SERPINF2: variants seen among roughly 807,000 people sequenced by gnomAD.
The protein encoded by SERPINF2 is alpha-2-antiplasmin.
In SERPINF2, 15 loss-of-function variants were observed where a neutral mutation model predicts 45.0. That is an observed-to-expected ratio of 0.33 (90% CI 0.22 to 0.51). The LOEUF (loss-of-function observed/expected upper bound fraction) is 0.51. SERPINF2 is among the 20% of genes least tolerant of loss of function. The probability of loss-of-function intolerance (pLI) is 0.97; values close to 1 mark genes in which losing one functional copy is unlikely to be tolerated. For missense variants in SERPINF2, 518 were observed against 637.4 expected, an observed-to-expected ratio of 0.81 and a Z score of 2.02; for synonymous variants, 283 against 277.9, an observed-to-expected ratio of 1.02 and a Z score of -0.18.
At chr17:1,750,027 G>A (rs1451068461) in intron 8 of SERPINF2, among the ~76,000 whole-genome samples, 2 of 151,476 alleles carry the variant, frequency 1.3e-5, no homozygotes, top group African/African-American at 2.4e-5. Flanking sequence ...AGGCTGGAGT[G>A]CAGTGGCACG....
chr17:1,745,241 G>C lies in SERPINF2; in HGVS notation c.102+28G>C. On this transcript the variant is annotated intron_variant, in intron 3 of 9. Coordinates refer to ENST00000453066, the MANE Select transcript of SERPINF2 (RefSeq NM_000934.4). The surrounding 1 kb of genome is among the most constrained non-coding windows in gnomAD (Gnocchi z 6.2). ...ACTGGGGAGTGAGGAGCCTGTGATG[G>C]GGGGAAGGTCCCGGGGGTCTCACTG... is the stretch of plus-strand genomic sequence containing the variant. 2 of 1,583,684 alleles carry C rather than the reference G, an allele frequency of 1.3e-6. No homozygotes were observed. The highest frequency in any genetic ancestry group is 1.7e-6 in the Non-Finnish European group (2 of 1,165,532).
chr17:1,745,972 A>C lies in SERPINF2; in HGVS notation c.367+63A>C, dbSNP rs1597323586. Reference sequence around the variant, plus strand: ...GAGGCCAGTAGGAACTCAGTACTCCAATGGTTCTCCGCGGGCGGTTCCTCC... The same window carrying C: ...GAGGCCAGTAGGAACTCAGTACTCCCATGGTTCTCCGCGGGCGGTTCCTCC... On this transcript the variant is annotated intron_variant, in intron 5 of 9. Coordinates refer to ENST00000453066, the MANE Select transcript of SERPINF2 (RefSeq NM_000934.4). This position sits in a 1 kb window ranked among gnomAD's most constrained non-coding sequence, Gnocchi z 6.2. 2 of 1,566,338 alleles carry C rather than the reference A, an allele frequency of 1.3e-6. No homozygotes were observed.
Position 1,754,454 on chromosome 17 carries a change from G to A in SERPINF2, c.1396G>A (p.Gly466Arg), listed in dbSNP as rs144890920. 281 of 1,608,614 alleles carry A rather than the reference G, an allele frequency of 1.7e-4. No individual in the cohort carries two copies. Among genetic ancestry groups the A allele is most frequent in the South Asian group, 1.4e-3 (125 of 90,692 alleles). Residue 466 changes from glycine (G) to arginine (R), a missense_variant, in exon 10 of 10, where the codon GGA becomes AGA. This residue lies in a region of SERPINF2 where 83 missense variants were observed against 60.0 expected (regional missense o/e 1.38). Transcript: ENST00000453066. ...FLQSLKGFPRGDKLFGPDLKL... is the reference protein window; with the variant it reads ...FLQSLKGFPRRDKLFGPDLKL... ...CCAGAGCCTGAAAGGCTTCCCCCGC[G>A]GAGACAAGCTTTTCGGCCCTGACTT... is the stretch of plus-strand genomic sequence containing the variant.
chr17:1,746,884 C>T, intron 5 of SERPINF2, 135 bp from the exon 6 acceptor site: 1 of 1,225,218 alleles, frequency 8.2e-7, no homozygotes, highest in Non-Finnish European at 1.1e-6. Context: ...CCACGCAGAA[C>T]AGATCCGTGG....
intron 5 of SERPINF2, among the ~76,000 whole-genome samples, chr17:1,746,259 G>A (rs1409670658): frequency 6.6e-6 from 1 of 151,938 alleles, no homozygotes; most frequent in African/African-American, 2.4e-5. Context: ...GGAGGTTACA[G>A]TGAGCCGAGA....
intron 7 of SERPINF2, 66 bp downstream of exon 7, chr17:1,747,578 T>C: frequency 6.5e-7 from 1 of 1,541,046 alleles, no homozygotes; most frequent in Non-Finnish European, 8.9e-7. Flanking sequence ...GGCCTTTTTG[T>C]TTTTTGAGAC....
chr17:1,747,252 G>A, intron 6 of SERPINF2, 57 bp from the exon 7 acceptor site: 3 of 1,610,648 alleles, frequency 1.9e-6, no homozygotes, highest in East Asian at 2.2e-5. Flanking sequence ...GCGAGTAGGG[G>A]CGTGTCTGGC....
intron 8 of SERPINF2, among the ~76,000 whole-genome samples, chr17:1,750,505 C>T (rs868676682): frequency 6.6e-6 from 1 of 151,774 alleles, no homozygotes; most frequent in Non-Finnish European, 1.5e-5. Context: ...CCAGGCTGAT[C>T]TCAAACTCCT....
chr17:1,748,642 T>C lies in SERPINF2; in HGVS notation c.760T>C (p.Ser254Pro). ...KFDPSLTQRD[S>P]FHLDEQFTVP... ...TGACCCGAGCCTTACCCAGAGAGAC[T>C]CCTTCCACCTGGACGAGCAGTTCAC... Residue 254 changes from serine to proline, a missense_variant, in exon 8 of 10, where the codon TCC becomes CCC. By Grantham distance (74) the Ser-to-Pro change is moderately conservative. Around this residue, in one of 2 missense-constraint regions of SERPINF2, gnomAD observed 435 missense variants for 577.3 expected, o/e 0.75. Transcript: ENST00000453066. 1 of 1,614,082 alleles carries C rather than the reference T, an allele frequency of 6.2e-7. No individual in the cohort carries two copies. The highest frequency in any genetic ancestry group is 8.5e-7 in the Non-Finnish European group (1 of 1,180,014).
chr17:1,747,329 T>G lies in SERPINF2; in HGVS notation c.532T>G (p.Phe178Val). The change falls in exon 7 of 10, where the codon TTC becomes GTC. Residue 178 changes from phenylalanine (F) to valine (V), a missense_variant. Phe to Val is a conservative substitution (Grantham distance 50, BLOSUM62 -1). Around this residue, in one of 2 missense-constraint regions of SERPINF2, gnomAD observed 435 missense variants for 577.3 expected, o/e 0.75. Transcript: ENST00000453066. Reference sequence around the variant, plus strand: ...TGCAGGATTTCCCATCAAAGAAGATTTCCTGGAACAATCCGAACAGCTATT... The same window carrying G: ...TGCAGGATTTCCCATCAAAGAAGATGTCCTGGAACAATCCGAACAGCTATT... ...LQKGFPIKED[F>V]LEQSEQLFGA... is the part of the protein sequence containing the mutation. The G allele has an allele frequency of 6.2e-7, 1 of 1,613,992 alleles. No homozygotes were observed. The highest frequency in any genetic ancestry group is 8.5e-7 in the Non-Finnish European group (1 of 1,180,030).
rs761481781 is a variant in SERPINF2, at chr17:1,744,979, G to C, written c.-4-13G>C. The stretch of plus-strand genomic sequence containing the variant: ...ATGTGAGATGGGAACAGAGCTTTCT[G>C]TCCCTGCCACAGGAACATGGCGCTG... On this transcript the variant is annotated splice_polypyrimidine_tract_variant and intron_variant, in intron 1 of 9. Coordinates refer to ENST00000453066, the MANE Select transcript of SERPINF2 (RefSeq NM_000934.4). 2.4e-5 allele frequency: 39 copies of C among 1,613,578 alleles called. No individual in the cohort carries two copies. The highest frequency in any genetic ancestry group is 3.1e-5 in the Non-Finnish European group (37 of 1,179,984).
chr17:1,754,278 C>T lies in SERPINF2; in HGVS notation c.1220C>T (p.Ser407Phe). Residue 407 changes from serine (S) to phenylalanine (F), a missense_variant, in exon 10 of 10, where the codon TCC (serine) becomes TTC (phenylalanine). Coordinates refer to ENST00000453066, the MANE Select transcript of SERPINF2 (RefSeq NM_000934.4). ...ATTGCCATGTCCCGCATGTCCCTGT[C>T]CTCCTTCAGCGTGAACCGCCCCTTC... is the stretch of plus-strand genomic sequence containing the variant. ...TSIAMSRMSL[S>F]SFSVNRPFLF... 1 of 1,614,174 alleles carries T rather than the reference C, an allele frequency of 6.2e-7. No homozygotes were observed. Among genetic ancestry groups the T allele is most frequent in the Non-Finnish European group, 8.5e-7 (1 of 1,180,012 alleles).
intron 8 of SERPINF2, among the ~76,000 whole-genome samples, chr17:1,750,043 G>A (rs926327505): frequency 5.3e-5 from 8 of 151,540 alleles, no homozygotes; most frequent in African/African-American, 1.5e-4. Flanking sequence ...GCACGATCTC[G>A]GCTCACTGCA....
Position 1,752,723 on chromosome 17 carries a change from C to G in SERPINF2, c.996C>G (p.Thr332=). ...CACCTCTGGTGTGGGAGAGGCCCAC[C>G]AAGGTCCGGCTGCCTAAGCTGTATC... ...LHPPLVWERP[T]KVRLPKLYLK... Residue 332 remains threonine, a synonymous_variant, in exon 9 of 10, where the codon ACC becomes ACG. Transcript: ENST00000453066. 2 of 1,614,110 alleles carry G rather than the reference C, an allele frequency of 1.2e-6. No individual in the cohort carries two copies. Among genetic ancestry groups the G allele is most frequent in the Non-Finnish European group, 1.7e-6 (2 of 1,180,034 alleles).
intron 1 of SERPINF2, 120 bp from the exon 2 acceptor site, chr17:1,744,872 T>C: frequency 6.4e-7 from 1 of 1,569,592 alleles, no homozygotes; most frequent in Non-Finnish European, 8.6e-7. Context: ...TTCTGGAGCC[T>C]GCTTCTTCCC....
At chr17:1,747,188 CTCAG>C (rs1567739462) in intron 6 of SERPINF2, 26 bp downstream of exon 6, 1 of 1,611,700 alleles carries the variant, frequency 6.2e-7, no homozygotes, top group Admixed American at 1.7e-5. Flanking sequence ...AGGGAGCTCC[CTCAG>C]TCCTGCCCTG....
In SERPINF2 at chr17:1,747,114, C is replaced by T; in HGVS notation, c.463C>T (p.Leu155=). 1 of 1,611,708 alleles carries T rather than the reference C, an allele frequency of 6.2e-7. No homozygotes were observed. The highest frequency in any genetic ancestry group is 8.5e-7 in the Non-Finnish European group (1 of 1,179,980). The change falls in exon 6 of 10, where the codon CTG becomes TTG. Residue 155 remains leucine (L), a synonymous_variant. Transcript: ENST00000453066. ...TCTGCTGAGCCGCCTCTGCCAGGAC[C>T]TGGGCCCCGGCGCGTTCCGACTGGC... is the stretch of plus-strand genomic sequence containing the variant. ...PHLLSRLCQD[L]GPGAFRLAAR... is the part of the protein sequence containing the mutation.
chr17:1,754,865 T>G lies in SERPINF2; in HGVS notation c.*331T>G. 1 of 416,908 alleles carries G rather than the reference T, an allele frequency of 2.4e-6. No individual in the cohort carries two copies. The highest frequency in any genetic ancestry group is 4.3e-6 in the Non-Finnish European group (1 of 233,734). The allele number at this position is 416,908 out of a possible 1,614,324, so 25.8% of individuals were successfully genotyped here. On this transcript the variant is annotated 3_prime_UTR_variant, in exon 10 of 10. Coordinates refer to ENST00000453066, the MANE Select transcript of SERPINF2 (RefSeq NM_000934.4). ...CCACGTCAGCTGGGACACCCCGACT[T>G]TTGTTTACCAGAGAAAAAGGGAGGG...
chr17:1,743,894 G>T lies in SERPINF2; in HGVS notation c.-5+986G>T, dbSNP rs1015118685. 4.6e-5 allele frequency among the ~76,000 whole-genome samples: 7 copies of T among 151,506 alleles called. No individual in the cohort carries two copies. The South Asian group carries it at 1.0e-3, about 23-fold the overall frequency. ...AAGCATTGTACTCAGGGTTTACAAA[G>T]ATGGTCTTATTTATTTTTTTGAGAC... On this transcript the variant is annotated intron_variant, in intron 1 of 9. Coordinates refer to ENST00000453066, the MANE Select transcript of SERPINF2 (RefSeq NM_000934.4).
Sources: gnomAD v4.1 joint callset for allele counts (sites outside exome capture counted in the v4.1 genomes callset) on GRCh38, gnomAD v4.1.1 for gene constraint, gnomAD v4.1.1 regional missense constraint, Gnocchi (gnomAD v3.1) non-coding constraint, MANE v1.5 for transcripts, NCBI Gene and HGNC (gene_info 2026-07-23, HGNC 2026-07-21) for gene names.